RNF220: variants seen among roughly 807,000 people sequenced by gnomAD.
The protein encoded by RNF220 is ring finger protein 220.
RNF220 carries 7 observed loss-of-function variants against 67.1 expected under a neutral mutation model. The observed-to-expected ratio is 0.10, with a 90% CI of 0.06 to 0.20. The LOEUF (loss-of-function observed/expected upper bound fraction) is 0.20, where lower values mean the gene tolerates loss of function less well. Ranked by LOEUF, RNF220 falls within the 10% of genes least tolerant of loss-of-function variation. The pLI is 1.00. For synonymous variants in RNF220, 270 were observed against 283.2 expected (o/e 0.95, Z 0.47); for missense variants, 565 against 740.3 (o/e 0.76, Z 2.75).
intron 2 of RNF220, among the ~76,000 whole-genome samples, chr1:44,488,137 AT>A (rs34017881): frequency 4.5e-4 from 62 of 137,324 alleles, no homozygotes; most frequent in African/African-American, 1.3e-3. Flanking sequence ...TGCCTTGCTG[AT>A]TTTTTTTTTT....
At chr1:44,470,832 A>G (rs779688748) in intron 2 of RNF220, among the ~76,000 whole-genome samples, 1 of 151,828 alleles carries the variant, frequency 6.6e-6, no homozygotes, top group Non-Finnish European at 1.5e-5. Flanking sequence ...TTCCCTTCCT[A>G]TTATTTCAAA....
At chr1:44,439,391 C>G (rs57953400) in intron 2 of RNF220, among the ~76,000 whole-genome samples, 1 of 151,678 alleles carries the variant, frequency 6.6e-6, no homozygotes, top group African/African-American at 2.4e-5. Context: ...CCATCTTTTT[C>G]TAATTGATTT....
intron 7 of RNF220, 178 bp downstream of exon 7, chr1:44,635,766 G>A: frequency 1.4e-6 from 2 of 1,426,054 alleles, no homozygotes; most frequent in South Asian, 2.8e-5. Flanking sequence ...GTCTCCATGT[G>A]GTCTCAGCAG....
At chr1:44,434,352 G>T (rs1650723188) in intron 2 of RNF220, among the ~76,000 whole-genome samples, 1 of 152,056 alleles carries the variant, frequency 6.6e-6, no homozygotes, top group South Asian at 2.1e-4. Flanking sequence ...TTTATTTTGG[G>T]TTCATCAGGA....
intron 2 of RNF220, among the ~76,000 whole-genome samples, chr1:44,500,892 G>T (rs1314379930): frequency 1.3e-5 from 2 of 152,210 alleles, no homozygotes; most frequent in Admixed American, 6.5e-5. Flanking sequence ...CCACAACGTG[G>T]GGCTCGGGAG....
intron 2 of RNF220, among the ~76,000 whole-genome samples, chr1:44,543,308 T>C (rs1011739925): frequency 1.3e-5 from 2 of 151,990 alleles, no homozygotes; most frequent in African/African-American, 2.4e-5. Context: ...TTGGCTAGTG[T>C]TGTTGACATG....
chr1:44,608,298 C>A (rs1363343451), intron 2 of RNF220, among the ~76,000 whole-genome samples: 7 of 152,206 alleles, frequency 4.6e-5, no homozygotes, highest in Non-Finnish European at 2.9e-5. Flanking sequence ...AGGTCCTAAG[C>A]TCCCTGAGGG....
intron 2 of RNF220, among the ~76,000 whole-genome samples, chr1:44,445,433 A>G (rs1483088921): frequency 6.6e-6 from 1 of 152,146 alleles, no homozygotes; most frequent in Non-Finnish European, 1.5e-5. Context: ...AAGTTAAGAG[A>G]AGGACAACAT....
intron 2 of RNF220, among the ~76,000 whole-genome samples, chr1:44,520,930 C>G (rs1010763692): frequency 6.6e-6 from 1 of 152,192 alleles, no homozygotes; most frequent in African/African-American, 2.4e-5. Flanking sequence ...AGGTCTCACT[C>G]TCTTGCCCAG....
intron 2 of RNF220, among the ~76,000 whole-genome samples, chr1:44,533,551 G>T (rs1452918527): frequency 6.6e-6 from 1 of 152,216 alleles, no homozygotes; most frequent in Admixed American, 6.5e-5. Context: ...CTATGGAATA[G>T]ATAGAAACAT....
intron 2 of RNF220, among the ~76,000 whole-genome samples, chr1:44,438,720 A>C (rs965708710): frequency 6.6e-6 from 1 of 152,218 alleles, no homozygotes; most frequent in Admixed American, 6.5e-5. Context: ...CCCGCTGGCT[A>C]TCTGCCATGA....
rs182116624 is a variant in RNF220, at chr1:44,525,371, G to A, written c.626-88794G>A. Among the ~76,000 whole-genome samples the A allele has an allele frequency of 5.3e-5, 8 of 152,288 alleles. No homozygotes were observed. The East Asian group carries it at 9.7e-4, about 18-fold the overall frequency. On this transcript the variant is annotated intron_variant, in intron 2 of 14. Transcript: ENST00000361799. ...CAGCGTCCTGCACGCCTAGCACAGC[G>A]CTCAGGGCTCAGCAGACGCATCTCA... is the stretch of plus-strand genomic sequence containing the variant.
At chr1:44,518,884 A>C (rs1284912369) in intron 2 of RNF220, among the ~76,000 whole-genome samples, 7 of 147,370 alleles carry the variant, frequency 4.7e-5, no homozygotes, top group East Asian at 1.9e-4. Context: ...AAAAAACAAA[A>C]AAAACAAAAA....
intron 2 of RNF220, among the ~76,000 whole-genome samples, chr1:44,502,057 AC>A (rs1657951959): frequency 3.4e-5 from 1 of 29,834 alleles, no homozygotes; most frequent in African/African-American, 1.9e-4. Flanking sequence ...ACTGAAACAC[AC>A]ACACACACAC....
chr1:44,632,441 CT>C, intron 6 of RNF220, 56 bp downstream of exon 6: 3 of 1,503,110 alleles, frequency 2.0e-6, no homozygotes, highest in Non-Finnish European at 2.7e-6. Context: ...CCCTCCCTCC[CT>C]CACTGCCTGC....
chr1:44,574,863 GTTTT>G (rs5773842), intron 2 of RNF220, among the ~76,000 whole-genome samples: 1 of 149,924 alleles, frequency 6.7e-6, no homozygotes, highest in Non-Finnish European at 1.5e-5. Context: ...TTGCATTTGT[GTTTT>G]TTTTTTATTT....
intron 2 of RNF220, among the ~76,000 whole-genome samples, chr1:44,505,406 T>G (rs974941415): frequency 1.3e-5 from 2 of 152,204 alleles, no homozygotes; most frequent in Non-Finnish European, 2.9e-5. Flanking sequence ...TGGCTCTACG[T>G]GGGCTCCTGA....
intron 12 of RNF220, among the ~76,000 whole-genome samples, chr1:44,647,310 G>A (rs1168689977): frequency 1.3e-5 from 2 of 152,164 alleles, no homozygotes; most frequent in East Asian, 3.9e-4. Flanking sequence ...TCCTTGGAGT[G>A]GAAGGGAGCA....
intron 3 of RNF220, among the ~76,000 whole-genome samples, chr1:44,618,544 C>T (rs74070566): frequency 0.31 from 47,251 of 152,130 alleles, 7,469 homozygotes; most frequent in Middle Eastern, 0.34. Context: ...GGGGTTCCAT[C>T]AGACCCCAGA....
Sources: gnomAD v4.1 joint callset for allele counts (sites outside exome capture counted in the v4.1 genomes callset) on GRCh38, gnomAD v4.1.1 for gene constraint, MANE v1.5 for transcripts, NCBI Gene and HGNC (gene_info 2026-07-23, HGNC 2026-07-21) for gene names.